The following ST8SIA6 variants were observed in gnomAD, a reference collection of about 807,000 sequenced individuals.
ST8SIA6 encodes alpha-2,8-sialyltransferase 8F.
Under a neutral mutation model 33.6 loss-of-function variants are expected in ST8SIA6, and 39 were observed. The ratio of observed to expected loss-of-function variants is 1.16; its 90% CI spans 0.90 to 1.52. The LOEUF (loss-of-function observed/expected upper bound fraction) is 1.52, where lower values mean the gene tolerates loss of function less well. Ranked by LOEUF, ST8SIA6 falls within the 40% of genes most tolerant of loss-of-function variation. ST8SIA6 has a pLI of 0.00. For missense variants in ST8SIA6, 441 were observed against 443.8 expected, an observed-to-expected ratio of 0.99 and a Z score of 0.06; for synonymous variants, 172 against 167.2, an observed-to-expected ratio of 1.03 and a Z score of -0.22.
chr10:17,328,379 C>T (rs111902548), intron 5 of ST8SIA6, among the ~76,000 whole-genome samples: 3 of 152,242 alleles, frequency 2.0e-5, no homozygotes, highest in African/African-American at 4.8e-5. Flanking sequence ...TAGGACCTGG[C>T]CTGCTTACCC....
At chr10:17,378,825 G>T in intron 3 of ST8SIA6, among the ~76,000 whole-genome samples, 1 of 152,116 alleles carries the variant, frequency 6.6e-6, no homozygotes, top group Non-Finnish European at 1.5e-5. Flanking sequence ...TTTAAGAAGG[G>T]ATTAAAGGAG....
intron 2 of ST8SIA6, among the ~76,000 whole-genome samples, chr10:17,416,393 G>A (rs566032703): frequency 7.2e-5 from 11 of 152,172 alleles, no homozygotes; most frequent in Non-Finnish European, 1.2e-4. Context: ...AGATTGATAT[G>A]TGCAGTTCTG....
chr10:17,395,482 C>T (rs1850772911), intron 2 of ST8SIA6, among the ~76,000 whole-genome samples: 2 of 152,148 alleles, frequency 1.3e-5, no homozygotes, highest in South Asian at 4.1e-4. Flanking sequence ...AGAACCAAAA[C>T]CCTGAAGCCA....
chr10:17,382,596 A>G (rs1850192184), intron 3 of ST8SIA6, among the ~76,000 whole-genome samples: 3 of 152,182 alleles, frequency 2.0e-5, no homozygotes. Flanking sequence ...CCTTGTTAAC[A>G]TTGAGTTACA....
At chr10:17,331,841 TTACATAGG>T (rs1442618053) in intron 4 of ST8SIA6, among the ~76,000 whole-genome samples, 1 of 152,212 alleles carries the variant, frequency 6.6e-6, no homozygotes, top group Non-Finnish European at 1.5e-5. Context: ...TGCAGGTTTG[TTACATAGG>T]TACATGTGTG....
chr10:17,407,008 C>T (rs972086585), intron 2 of ST8SIA6, among the ~76,000 whole-genome samples: 1 of 151,964 alleles, frequency 6.6e-6, no homozygotes, highest in Non-Finnish European at 1.5e-5. Context: ...GGCCAGGCTG[C>T]CTTGAACTCC....
intron 4 of ST8SIA6, among the ~76,000 whole-genome samples, chr10:17,344,460 T>C (rs1301981279): frequency 6.6e-6 from 1 of 152,164 alleles, no homozygotes; most frequent in Non-Finnish European, 1.5e-5. Context: ...TCTTTTCTTA[T>C]AAAACCATCG....
chr10:17,331,225 C>T (rs1848288506), intron 5 of ST8SIA6, among the ~76,000 whole-genome samples, 183 bp downstream of exon 5: 1 of 152,170 alleles, frequency 6.6e-6, no homozygotes, highest in Non-Finnish European at 1.5e-5. Flanking sequence ...AATAATCCTT[C>T]CCTACAGAGC....
At chr10:17,437,969 T>C (rs547759870) in intron 2 of ST8SIA6, among the ~76,000 whole-genome samples, 46 of 152,220 alleles carry the variant, frequency 3.0e-4, no homozygotes, top group African/African-American at 1.1e-3. Context: ...GACTTCGTGA[T>C]TCATCCACCT....
chr10:17,333,713 ATATATTT>A (rs1848403239), intron 4 of ST8SIA6, among the ~76,000 whole-genome samples: 4 of 25,688 alleles, frequency 1.6e-4, no homozygotes, highest in Non-Finnish European at 2.5e-4. Flanking sequence ...ATATATATAT[ATATATTT>A]TTTTTTTTTT....
At chr10:17,391,108 T>G (rs1187729952) in intron 2 of ST8SIA6, among the ~76,000 whole-genome samples, 1 of 152,138 alleles carries the variant, frequency 6.6e-6, no homozygotes, top group East Asian at 1.9e-4. Flanking sequence ...TCCATCCGCA[T>G]CAGCCTCCCA....
chr10:17,441,983 C>T (rs1852514747), intron 2 of ST8SIA6, among the ~76,000 whole-genome samples: 1 of 151,956 alleles, frequency 6.6e-6, no homozygotes, highest in Non-Finnish European at 1.5e-5. Context: ...ATTCTCTTGC[C>T]TCAGCCTCCC....
intron 2 of ST8SIA6, among the ~76,000 whole-genome samples, chr10:17,430,410 G>A (rs1307384739): frequency 6.6e-6 from 1 of 152,188 alleles, no homozygotes; most frequent in Non-Finnish European, 1.5e-5. Flanking sequence ...CTAGATACCT[G>A]ATAGTGGGAT....
chr10:17,372,474 G>T (rs1849767863), intron 3 of ST8SIA6, among the ~76,000 whole-genome samples: 1 of 152,276 alleles, frequency 6.6e-6, no homozygotes, highest in Non-Finnish European at 1.5e-5. Flanking sequence ...ATTTGTAACT[G>T]GCTGATGTTC....
chr10:17,384,159 A>T (rs1850255776), intron 3 of ST8SIA6, among the ~76,000 whole-genome samples: 1 of 152,196 alleles, frequency 6.6e-6, no homozygotes, highest in Non-Finnish European at 1.5e-5. Context: ...CTGGCCTCAA[A>T]TTTTGTGTAC....
chr10:17,449,145 A>G (rs1212814427), intron 2 of ST8SIA6, among the ~76,000 whole-genome samples: 1 of 151,954 alleles, frequency 6.6e-6, no homozygotes, highest in Admixed American at 6.5e-5. Flanking sequence ...GAAAATTCAT[A>G]GTATTAAATA....
rs1371876397 is a variant in ST8SIA6 at position 17,333,692 on chromosome 10, TATATATATATATATATATATATATA to T, written c.378-2165_378-2141del. ...GCTGGGATATATATATATATATATA[TATATATATATATATATATATATATA>T]TTTTTTTTTTTTTTTTTTTTTTTTG... On this transcript the variant is annotated intron_variant, in intron 4 of 7. Transcript: ENST00000377602. Among the ~76,000 whole-genome samples the T allele has an allele frequency of 2.6e-3, 77 of 29,098 alleles. 6 individuals are homozygous for T. Among genetic ancestry groups the T allele is most frequent in the East Asian group, 0.012 (7 of 566 alleles). The allele number at this position is 29,098 out of a possible 152,430, so 19.1% of individuals were successfully genotyped here.
chr10:17,327,493 G>A (rs1380042089), intron 5 of ST8SIA6, among the ~76,000 whole-genome samples: 2 of 152,064 alleles, frequency 1.3e-5, no homozygotes, highest in Admixed American at 6.6e-5. Context: ...AGGCTGAGGC[G>A]GAGAATTGCT....
chr10:17,412,461 G>T (rs1851482542), intron 2 of ST8SIA6, among the ~76,000 whole-genome samples: 1 of 152,162 alleles, frequency 6.6e-6, no homozygotes, highest in African/African-American at 2.4e-5. Flanking sequence ...CCTGCATTAA[G>T]TGTCTGGCAC....
Sources: allele counts gnomAD v4.1 joint callset (sites outside exome capture counted in the v4.1 genomes callset), GRCh38; gene constraint gnomAD v4.1.1; transcripts MANE v1.5; gene names NCBI Gene and HGNC (gene_info 2026-07-23, HGNC 2026-07-21).